The following HS2ST1 variants were observed in gnomAD, a reference collection of about 807,000 sequenced individuals.
HS2ST1 encodes 2-O-sulfotransferase.
In HS2ST1, 18 loss-of-function variants were observed where a neutral mutation model predicts 42.9. That is an observed-to-expected ratio of 0.42 (90% CI 0.29 to 0.62). The LOEUF is 0.62. Ranked by LOEUF, HS2ST1 falls within the 20% of genes least tolerant of loss-of-function variation. The pLI, the probability that HS2ST1 is intolerant of heterozygous loss-of-function variation, is 0.21. For synonymous variants in HS2ST1, 146 were observed against 152.9 expected (o/e 0.95, Z 0.33); for missense variants, 334 against 433.8 (o/e 0.77, Z 2.04).
chr1:86,995,998 T>C (rs1197828093), intron 1 of HS2ST1, among the ~76,000 whole-genome samples: 1 of 152,176 alleles, frequency 6.6e-6, no homozygotes, highest in Non-Finnish European at 1.5e-5. Context: ...ACATATTGGA[T>C]AAAATATATA....
intron 1 of HS2ST1, among the ~76,000 whole-genome samples, chr1:87,026,975 A>G (rs1650103238): frequency 6.6e-6 from 1 of 152,174 alleles, no homozygotes; most frequent in Non-Finnish European, 1.5e-5. Flanking sequence ...AACCCTCCAT[A>G]ACATTGTAAT....
chr1:86,950,743 A>G (rs1647489995), intron 1 of HS2ST1, among the ~76,000 whole-genome samples: 2 of 152,190 alleles, frequency 1.3e-5, no homozygotes, highest in African/African-American at 4.8e-5. Flanking sequence ...AATGTTAACA[A>G]TTGGTCAGAG....
rs1028395110 is a variant in HS2ST1, at chr1:87,104,704, G to T, written c.*8G>T. On this transcript the variant is annotated 3_prime_UTR_variant, in exon 7 of 7. Transcript: ENST00000370550. The stretch of plus-strand genomic sequence containing the variant: ...TACCCTAAGTCGAACTGAGTATAAG[G>T]TGTGACTATTGGATTCTTGAACTAA... 6.5e-7 allele frequency: 1 copy of T among 1,544,796 alleles called. No individual in the cohort carries two copies. Among genetic ancestry groups the T allele is most frequent in the Admixed American group, 1.7e-5 (1 of 59,844 alleles).
At chr1:86,918,885 A>G (rs905685974) in intron 1 of HS2ST1, among the ~76,000 whole-genome samples, 3 of 148,156 alleles carry the variant, frequency 2.0e-5, no homozygotes, top group African/African-American at 5.0e-5. Flanking sequence ...CTATTTTTCT[A>G]TTGGGTGGTT....
intron 1 of HS2ST1, chr1:87,064,343 C>G: frequency 5.5e-6 from 2 of 362,560 alleles, no homozygotes; most frequent in Non-Finnish European, 1.1e-5. Context: ...TTCCAGTAGT[C>G]TACTGTCTTC....
At chr1:86,952,326 C>G (rs1647545181) in intron 1 of HS2ST1, among the ~76,000 whole-genome samples, 1 of 151,082 alleles carries the variant, frequency 6.6e-6, no homozygotes. Flanking sequence ...CAGCCTTTGC[C>G]TCCTGGGCTC....
At chr1:87,052,449 T>C (rs550764638) in intron 1 of HS2ST1, among the ~76,000 whole-genome samples, 1 of 152,332 alleles carries the variant, frequency 6.6e-6, no homozygotes, top group African/African-American at 2.4e-5. Context: ...CCAAAAATGG[T>C]TTCAGTTTAA....
At chr1:87,087,480 A>G (rs570381120) in intron 3 of HS2ST1, among the ~76,000 whole-genome samples, 1 of 152,230 alleles carries the variant, frequency 6.6e-6, no homozygotes, top group South Asian at 2.1e-4. Flanking sequence ...TGGTTCCTCC[A>G]TATTGCCGCT....
intron 1 of HS2ST1, among the ~76,000 whole-genome samples, chr1:87,057,883 A>G (rs1651017695): frequency 6.6e-6 from 1 of 151,500 alleles, no homozygotes; most frequent in African/African-American, 2.4e-5. Context: ...AAAAAACTGT[A>G]TTTTTTGTCT....
chr1:86,999,132 A>G (rs1016894330), intron 1 of HS2ST1, among the ~76,000 whole-genome samples: 1 of 152,174 alleles, frequency 6.6e-6, no homozygotes, highest in Middle Eastern at 3.2e-3. Flanking sequence ...GGAATATCTT[A>G]GAGGCTGATA....
intron 1 of HS2ST1, among the ~76,000 whole-genome samples, chr1:87,035,923 T>C (rs920136235): frequency 1.3e-5 from 2 of 152,030 alleles, no homozygotes; most frequent in African/African-American, 4.8e-5. Context: ...GCTGCATCCA[T>C]CAACCCATCA....
At chr1:87,047,961 C>A (rs1650729426) in intron 1 of HS2ST1, among the ~76,000 whole-genome samples, 1 of 152,088 alleles carries the variant, frequency 6.6e-6, no homozygotes, top group African/African-American at 2.4e-5. Flanking sequence ...TTGGTCAATT[C>A]ATACCAAAAA....
chr1:86,971,665 G>C (rs1648237318), intron 1 of HS2ST1, among the ~76,000 whole-genome samples: 1 of 152,142 alleles, frequency 6.6e-6, no homozygotes, highest in Non-Finnish European at 1.5e-5. Context: ...AGAGTCCCTT[G>C]TAGTGTATAT....
intron 1 of HS2ST1, among the ~76,000 whole-genome samples, chr1:86,994,768 A>T (rs934265082): frequency 2.0e-5 from 3 of 152,152 alleles, no homozygotes; most frequent in Non-Finnish European, 2.9e-5. Context: ...ATGAACTAAA[A>T]AACATTTTTG....
intron 1 of HS2ST1, among the ~76,000 whole-genome samples, chr1:86,928,901 A>AT (rs1392283725): frequency 1.3e-5 from 2 of 151,770 alleles, no homozygotes; most frequent in African/African-American, 2.4e-5. Flanking sequence ...CTCTGACTTG[A>AT]TATGTACCTT....
At position 87,104,709 on chromosome 1, in the gene HS2ST1, A is replaced by T; in HGVS notation, c.*13A>T. The T allele has an allele frequency of 6.6e-7, 1 of 1,519,244 alleles. No individual in the cohort carries two copies. The highest frequency in any genetic ancestry group is 9.1e-7 in the Non-Finnish European group (1 of 1,095,260). 94.1% of individuals were successfully genotyped at this position (1,519,244 alleles called of 1,614,324 possible). ...TAAGTCGAACTGAGTATAAGGTGTG[A>T]CTATTGGATTCTTGAACTAAAATTT... On this transcript the variant is annotated 3_prime_UTR_variant, in exon 7 of 7. Transcript: ENST00000370550.
At chr1:86,976,722 T>TATATATATATATATATATATATATATATG (rs1415785639) in intron 1 of HS2ST1, among the ~76,000 whole-genome samples, 1 of 21,846 alleles carries the variant, frequency 4.6e-5, no homozygotes, top group Non-Finnish European at 1.4e-4. Flanking sequence ...ATATATATAT[T>TATATATATATATATATATATATATATATG]TTAAATGCCC....
In HS2ST1 at chr1:87,018,289, G is replaced by A. The variant is rs185759910; in HGVS notation, c.125-54645G>A. On this transcript the variant is annotated intron_variant, in intron 1 of 6. Transcript: ENST00000370550. Reference sequence around the variant, plus strand: ...ACAGTATTAACTTTTGTCAGTTAAGGGTACTGACACAATGCCATTAAAGGA... The same window carrying A: ...ACAGTATTAACTTTTGTCAGTTAAGAGTACTGACACAATGCCATTAAAGGA... Among the ~76,000 whole-genome samples, 189 of 152,226 alleles carry A rather than the reference G, an allele frequency of 1.2e-3. 4 individuals carry two copies. The highest frequency in any genetic ancestry group is 4.4e-5 in the Non-Finnish European group (3 of 68,012).
chr1:87,053,710 T>C (rs1325415066), intron 1 of HS2ST1, among the ~76,000 whole-genome samples: 1 of 152,198 alleles, frequency 6.6e-6, no homozygotes, highest in Non-Finnish European at 1.5e-5. Context: ...TGCTGCAGTA[T>C]ACTTTGAGTA....
Sources: allele counts gnomAD v4.1 joint callset (sites outside exome capture counted in the v4.1 genomes callset), GRCh38; gene constraint gnomAD v4.1.1; transcripts MANE v1.5; gene names NCBI Gene and HGNC (gene_info 2026-07-23, HGNC 2026-07-21).